The following TPCN2 variants were observed in gnomAD, a reference collection of about 807,000 sequenced individuals.
TPCN2 encodes two pore channel protein 2.
In TPCN2, 92 loss-of-function variants were observed where a neutral mutation model predicts 111.4. The observed-to-expected ratio is 0.83, with a 90% confidence interval of 0.70 to 0.98. The LOEUF (loss-of-function observed/expected upper bound fraction) is 0.98, where lower values mean the gene tolerates loss of function less well. Ranked by LOEUF, TPCN2 falls within the 50% of genes least tolerant of loss-of-function variation. The probability of loss-of-function intolerance (pLI) is 0.00; values close to 1 mark genes in which losing one functional copy is unlikely to be tolerated. For missense variants in TPCN2, 995 were observed against 980.1 expected (o/e 1.02, Z -0.20); for synonymous variants, 405 against 414.5 (o/e 0.98, Z 0.28).
rs374040368 is a variant in TPCN2 at position 69,055,377 on chromosome 11, C to T, written c.429+25C>T. 2.1e-4 allele frequency: 338 copies of T among 1,574,020 alleles called. No homozygotes were observed. In the African/African-American group the frequency reaches 3.7e-3, roughly 17 times the overall value. On this transcript the variant is annotated intron_variant, in intron 4 of 24. Coordinates refer to ENST00000294309, the MANE Select transcript of TPCN2 (RefSeq NM_139075.4). ...GGTGAGGCGGGCGCCAGGCCCTCTA[C>T]GTGCTGCCCCGGCCTCCCAGCGCCT...
intron 20 of TPCN2, 78 bp downstream of exon 20, chr11:69,085,364 G>A (rs1315040379): frequency 4.3e-6 from 6 of 1,403,746 alleles, no homozygotes; most frequent in Admixed American, 3.3e-5. Context: ...GGTGGCCTCA[G>A]TGGGCTCAGC....
rs1590744612 is a variant in TPCN2 at position 69,078,944 on chromosome 11, T to G, written c.1463T>G (p.Val488Gly). The G allele has an allele frequency of 6.2e-7, 1 of 1,614,046 alleles. No homozygotes were observed. The highest frequency in any genetic ancestry group is 8.5e-7 in the Non-Finnish European group (1 of 1,179,998). Residue 488 changes from valine to glycine, a missense_variant, in exon 16 of 25, where the codon GTC (valine) becomes GGC (glycine). Val to Gly is a moderately radical substitution (Grantham distance 109). Transcript: ENST00000294309. ...TACCTGTTGGAGATGCTGCTCAAGG[T>G]CTTTGCCCTGGGCCTGCGAGGGTAC... is the stretch of plus-strand genomic sequence containing the variant. The part of the protein sequence containing the change: ...VYYLLEMLLK[V>G]FALGLRGYLS...
chr11:69,073,537 A>G (rs1294245736), intron 13 of TPCN2, among the ~76,000 whole-genome samples: 1 of 152,250 alleles, frequency 6.6e-6, no homozygotes, highest in African/African-American at 2.4e-5. Context: ...GGGATGGGGC[A>G]GAGAGGTGGG....
Position 69,081,438 on chromosome 11 carries a change from T to C in TPCN2, c.1628T>C (p.Met543Thr), listed in dbSNP as rs138944125. The C allele has an allele frequency of 1.9e-6, 3 of 1,572,242 alleles. No homozygotes were observed. Among genetic ancestry groups the C allele is most frequent in the Non-Finnish European group, 2.6e-6 (3 of 1,158,846 alleles). The change falls in exon 18 of 25, where the codon ATG becomes ACG. Residue 543 changes from methionine to threonine, a missense_variant. Physicochemically the swap from Met to Thr is moderately conservative, Grantham distance 81. Coordinates refer to ENST00000294309, the MANE Select transcript of TPCN2 (RefSeq NM_139075.4). Reference protein sequence around the residue: ...EMVGLLSLWDMTRMLNMLIVF... With the variant: ...EMVGLLSLWDTTRMLNMLIVF... ...GTGGGCCTGCTGTCGCTGTGGGACATGACCCGCATGCTGAACATGCTCATC... is the reference window on the plus strand; with the variant it reads ...GTGGGCCTGCTGTCGCTGTGGGACACGACCCGCATGCTGAACATGCTCATC...
At chr11:69,075,044 G>C (rs751574895) in intron 13 of TPCN2, among the ~76,000 whole-genome samples, 56 of 152,352 alleles carry the variant, frequency 3.7e-4, no homozygotes, top group Non-Finnish European at 6.3e-4. Flanking sequence ...GAGCGGGCTT[G>C]TGTGCGCACA....
At position 69,065,034 on chromosome 11, in the gene TPCN2, T is replaced by C. The variant is rs535066619; in HGVS notation, c.726+1067T>C. The stretch of plus-strand genomic sequence containing the variant: ...TGCATGGTGTCTGTATGTCTGTGTG[T>C]GCGTGTGGTGTCGTGTGTGTGGTGT... On this transcript the variant is annotated intron_variant, in intron 7 of 24. Transcript: ENST00000294309. 1.5e-4 allele frequency among the ~76,000 whole-genome samples: 19 copies of C among 125,480 alleles called. No individual in the cohort carries two copies. In the East Asian group the frequency reaches 3.9e-3, roughly 26 times the overall value. The allele number at this position is 125,480 out of a possible 152,430, so 82.3% of individuals were successfully genotyped here.
chr11:69,076,163 C>T (rs1441465181), intron 13 of TPCN2, among the ~76,000 whole-genome samples: 8 of 152,126 alleles, frequency 5.3e-5, no homozygotes, highest in African/African-American at 1.7e-4. Context: ...GGGGACCCTC[C>T]GAAGCTGGGG....
intron 20 of TPCN2, 23 bp from the exon 21 acceptor site, chr11:69,085,648 C>G: frequency 6.6e-7 from 1 of 1,521,104 alleles, no homozygotes; most frequent in Non-Finnish European, 9.1e-7. Flanking sequence ...CCGCCCCTGA[C>G]CCAGGTGTGT....
At chr11:69,077,432 G>A (rs957945881) in intron 13 of TPCN2, among the ~76,000 whole-genome samples, 6 of 152,054 alleles carry the variant, frequency 3.9e-5, no homozygotes, top group Admixed American at 1.3e-4. Flanking sequence ...CTCAACTCCC[G>A]TTCACTGTGG....
intron 13 of TPCN2, among the ~76,000 whole-genome samples, chr11:69,074,121 C>T (rs1855652064): frequency 6.6e-6 from 1 of 152,246 alleles, no homozygotes; most frequent in Admixed American, 6.5e-5. Context: ...CAACTGTCAG[C>T]TGCTTCAGGA....
At chr11:69,064,515 C>G (rs192041537) in intron 7 of TPCN2, among the ~76,000 whole-genome samples, 25 of 152,298 alleles carry the variant, frequency 1.6e-4, no homozygotes, top group Non-Finnish European at 3.1e-4. Flanking sequence ...GCGGCTGCCC[C>G]GGGGCCCAGC....
At chr11:69,086,675 G>A (rs1856289782) in intron 23 of TPCN2, 71 bp downstream of exon 23, 1 of 1,477,346 alleles carries the variant, frequency 6.8e-7, no homozygotes, top group Non-Finnish European at 9.5e-7. Context: ...TGGGCCTGAG[G>A]CCACCGGCCG....
intron 4 of TPCN2, among the ~76,000 whole-genome samples, chr11:69,055,855 G>C (rs1173931667): frequency 6.6e-6 from 1 of 152,252 alleles, no homozygotes; most frequent in Non-Finnish European, 1.5e-5. Context: ...TGAGGCCCAG[G>C]TGGTCCCTCC....
In TPCN2 at chr11:69,059,028, G is replaced by A. The variant is rs145465114; in HGVS notation, c.546+1334G>A. On this transcript the variant is annotated intron_variant, in intron 5 of 24. Coordinates refer to ENST00000294309, the MANE Select transcript of TPCN2 (RefSeq NM_139075.4). ...TAAAGGCCTGGTTTTATACCTGGCC[G>A]TGGGCCCTGCCTGGATCTCTTCTGC... 4.6e-4 allele frequency among the ~76,000 whole-genome samples: 70 copies of A among 152,342 alleles called. No individual in the cohort carries two copies. In the East Asian group the frequency reaches 5.2e-3, roughly 11 times the overall value.
intron 14 of TPCN2, 26 bp from the exon 15 acceptor site, chr11:69,078,708 G>A (rs756915014): frequency 1.9e-5 from 30 of 1,613,582 alleles, no homozygotes; most frequent in Non-Finnish European, 2.3e-5. Context: ...GGGCCAGCCG[G>A]CGAGCCCTCT....
chr11:69,055,411 C>T (rs1854711643), intron 4 of TPCN2, 59 bp downstream of exon 4: 1 of 1,476,064 alleles, frequency 6.8e-7, no homozygotes, highest in South Asian at 1.3e-5. Context: ...CTGGCCGCTG[C>T]TCTCCTGGTT....
intron 5 of TPCN2, among the ~76,000 whole-genome samples, chr11:69,060,819 T>C (rs952326094): frequency 6.6e-6 from 1 of 152,228 alleles, no homozygotes; most frequent in South Asian, 2.1e-4. Context: ...GCCTTTGTTA[T>C]CAGGCCCTAA....
At chr11:69,061,392 G>T (rs965340946) in intron 5 of TPCN2, among the ~76,000 whole-genome samples, 3 of 152,230 alleles carry the variant, frequency 2.0e-5, no homozygotes, top group Non-Finnish European at 4.4e-5. Context: ...TTGGTTTTGT[G>T]CAAGGAGCTG....
chr11:69,061,482 G>T (rs1208162392), intron 5 of TPCN2, among the ~76,000 whole-genome samples: 1 of 152,198 alleles, frequency 6.6e-6, no homozygotes, highest in African/African-American at 2.4e-5. Flanking sequence ...ATTGACAGGC[G>T]CCAAAGTGTA....
Sources: gnomAD v4.1 joint callset for allele counts (sites outside exome capture counted in the v4.1 genomes callset) on GRCh38, gnomAD v4.1.1 for gene constraint, MANE v1.5 for transcripts, NCBI Gene and HGNC (gene_info 2026-07-23, HGNC 2026-07-21) for gene names.